Variants in ATRN observed in about 807,000 individuals in gnomAD.
ATRN encodes attractin, also known as attractin-2.
Under a neutral mutation model 178.7 loss-of-function variants are expected in ATRN, and 54 were observed. The observed-to-expected ratio is 0.30, with a 90% confidence interval of 0.24 to 0.38. ATRN has a LOEUF of 0.38. Ranked by LOEUF, ATRN falls within the 10% of genes least tolerant of loss-of-function variation. The pLI is 1.00. For synonymous variants in ATRN, 636 were observed against 663.0 expected, an observed-to-expected ratio of 0.96 and a Z score of 0.63; for missense variants, 1,443 against 1,815.1, an observed-to-expected ratio of 0.79 and a Z score of 3.73.
intron 1 of ATRN, among the ~76,000 whole-genome samples, chr20:3,508,745 T>C (rs1276684065): frequency 6.6e-6 from 1 of 152,210 alleles, no homozygotes; most frequent in Non-Finnish European, 1.5e-5. Flanking sequence ...AACTGAATGT[T>C]AATTGTATGC....
chr20:3,534,164 G>T (rs1433698976), intron 1 of ATRN, among the ~76,000 whole-genome samples: 3 of 152,206 alleles, frequency 2.0e-5, no homozygotes, highest in Non-Finnish European at 4.4e-5. Flanking sequence ...ATGGATTATG[G>T]AGTCTTAACT....
chr20:3,502,835 CAA>C (rs1324072762), intron 1 of ATRN, among the ~76,000 whole-genome samples: 3 of 152,200 alleles, frequency 2.0e-5, no homozygotes, highest in African/African-American at 7.2e-5. Flanking sequence ...ATAGCCACAG[CAA>C]ATGGCCTGGT....
chr20:3,492,875 G>GCGCGCGCA (rs1555807936), intron 1 of ATRN, among the ~76,000 whole-genome samples: 1 of 106,792 alleles, frequency 9.4e-6, no homozygotes, highest in Non-Finnish European at 2.1e-5. Context: ...GCGTGCGCAC[G>GCGCGCGCA]CACACACACA....
chr20:3,581,942 A>G (rs2086287676), intron 15 of ATRN, among the ~76,000 whole-genome samples, 193 bp from the exon 16 acceptor site: 5 of 152,146 alleles, frequency 3.3e-5, no homozygotes, highest in Admixed American at 3.3e-4. Flanking sequence ...TTTGGTCAAG[A>G]TGTTGGTTAT....
At chr20:3,481,243 A>G (rs956481117) in intron 1 of ATRN, among the ~76,000 whole-genome samples, 2 of 151,616 alleles carry the variant, frequency 1.3e-5, no homozygotes, top group Non-Finnish European at 2.9e-5. Context: ...TCTTTATGTC[A>G]TATCTCTTTA....
chr20:3,562,316 T>A lies in ATRN; in HGVS notation c.1488T>A (p.Leu496=). 6.2e-7 allele frequency: 1 copy of A among 1,613,996 alleles called. No homozygotes were observed. Among genetic ancestry groups the A allele is most frequent in the Non-Finnish European group, 8.5e-7 (1 of 1,179,944 alleles). ...TWSILHTQGA[L]VQGGYGHSSV... ...GTATATTACACACCCAGGGTGCCCT[T>A]GTGCAAGGGGGTTACGGCCATAGCA... is the stretch of plus-strand genomic sequence containing the variant. Residue 496 remains leucine, a synonymous_variant, in exon 9 of 29, where the codon CTT becomes CTA. Coordinates refer to ENST00000262919, the MANE Select transcript of ATRN (RefSeq NM_139321.3).
chr20:3,636,030 A>G (rs555761910), intron 26 of ATRN, among the ~76,000 whole-genome samples: 6 of 152,264 alleles, frequency 3.9e-5, no homozygotes, highest in African/African-American at 1.2e-4. Flanking sequence ...TTTGAGTGCT[A>G]CTCTCTCCAA....
At chr20:3,621,321 G>A (rs1240444731) in intron 24 of ATRN, among the ~76,000 whole-genome samples, 3 of 152,046 alleles carry the variant, frequency 2.0e-5, no homozygotes, top group Non-Finnish European at 4.4e-5. Context: ...TAGAGTGAGC[G>A]GAAGCACTTT....
chr20:3,485,918 C>G (rs1178814564), intron 1 of ATRN, among the ~76,000 whole-genome samples: 1 of 152,036 alleles, frequency 6.6e-6, no homozygotes, highest in African/African-American at 2.4e-5. Flanking sequence ...CCCCGCCCAG[C>G]CTGAATTTTT....
intron 1 of ATRN, among the ~76,000 whole-genome samples, chr20:3,519,742 A>T (rs575141959): frequency 6.6e-4 from 99 of 149,602 alleles, no homozygotes; most frequent in Admixed American, 1.5e-3. Flanking sequence ...TGAAATGAAA[A>T]GAAAAGAAAA....
chr20:3,539,177 G>A (rs779819910), intron 2 of ATRN, among the ~76,000 whole-genome samples: 7 of 152,196 alleles, frequency 4.6e-5, no homozygotes, highest in Non-Finnish European at 7.3e-5. Flanking sequence ...ATAGAATTAG[G>A]CATCAGCAGG....
intron 11 of ATRN, among the ~76,000 whole-genome samples, chr20:3,568,132 T>C (rs2086064334): frequency 6.6e-6 from 1 of 150,586 alleles, no homozygotes; most frequent in Non-Finnish European, 1.5e-5. Context: ...CTACTAAAAG[T>C]ACAAAAAAAT....
At chr20:3,474,452 T>C (rs2084483970) in intron 1 of ATRN, among the ~76,000 whole-genome samples, 1 of 152,178 alleles carries the variant, frequency 6.6e-6, no homozygotes, top group Non-Finnish European at 1.5e-5. Context: ...CTAACACCTG[T>C]AATCCCAGCA....
intron 12 of ATRN, 143 bp from the exon 13 acceptor site, chr20:3,575,684 C>T (rs1263684453): frequency 2.3e-6 from 2 of 887,444 alleles, no homozygotes; most frequent in East Asian, 2.6e-5. Context: ...TTATTTTAAC[C>T]AGAACATACC....
rs2086597614 is a variant in ATRN, at chr20:3,600,804, T to C, written c.3565-142T>C. 6 of 741,096 alleles carry C rather than the reference T, an allele frequency of 8.1e-6. No homozygotes were observed. The South Asian group carries it at 1.3e-4, about 16-fold the overall frequency. The allele number at this position is 741,096 out of a possible 1,614,324, so 45.9% of individuals were successfully genotyped here. On this transcript the variant is annotated intron_variant, in intron 22 of 28. Transcript: ENST00000262919. ...ATTAAGGAAAATTGGTTAGAAATTTTGCTAACTCTTCTGTGAGTTTCTCTA... is the reference window on the plus strand; with the variant it reads ...ATTAAGGAAAATTGGTTAGAAATTTCGCTAACTCTTCTGTGAGTTTCTCTA...
rs2084772732 is a variant in ATRN, at chr20:3,490,429, G to A, written c.410+18912G>A. 3 of 923,206 alleles carry A rather than the reference G, an allele frequency of 3.2e-6. No homozygotes were observed. In the South Asian group the frequency reaches 3.9e-5, roughly 12 times the overall value. 57.2% of individuals were successfully genotyped at this position (923,206 alleles called of 1,614,324 possible). A position where few individuals can be genotyped will look rare whatever the true frequency, so the allele number is the denominator to read the frequency against. ...ATCTTGGAGAGGCTTTACTCTATCT[G>A]TGTAATCCTGAAGTTACTCAAGCAG... On this transcript the variant is annotated intron_variant, in intron 1 of 28. Coordinates refer to ENST00000262919, the MANE Select transcript of ATRN (RefSeq NM_139321.3).
intron 1 of ATRN, among the ~76,000 whole-genome samples, chr20:3,472,902 GTT>G (rs973897579): frequency 3.3e-5 from 5 of 152,250 alleles, no homozygotes; most frequent in Non-Finnish European, 7.3e-5. Flanking sequence ...GTGGAAGAGA[GTT>G]GTGAGAGAGG....
At chr20:3,544,989 TA>T (rs2085678286) in intron 3 of ATRN, among the ~76,000 whole-genome samples, 1 of 152,140 alleles carries the variant, frequency 6.6e-6, no homozygotes, top group Non-Finnish European at 1.5e-5. Flanking sequence ...TAACATCAAT[TA>T]GGCTAAGAAA....
At position 3,583,973 on chromosome 20, in the gene ATRN, C is replaced by G; in HGVS notation, c.2840C>G (p.Ser947Cys). 6.2e-7 allele frequency: 1 copy of G among 1,614,166 alleles called. No individual in the cohort carries two copies. Among genetic ancestry groups the G allele is most frequent in the Non-Finnish European group, 8.5e-7 (1 of 1,180,006 alleles). ...TGTGGAGATTGCACCAGCGGCAGCT[C>G]TGAGTGCATGTGGTGCAGCAACATG... ...TACGDCTSGSSECMWCSNMKQ... is the reference protein window; with the variant it reads ...TACGDCTSGSCECMWCSNMKQ... The change falls in exon 17 of 29, where the codon TCT (serine) becomes TGT (cysteine). Residue 947 changes from serine to cysteine, a missense_variant. Ser to Cys is a moderately radical substitution (Grantham distance 112). This residue lies in a region of ATRN where 212 missense variants were observed against 330.7 expected (regional missense o/e 0.64). Transcript: ENST00000262919.
Sources: gnomAD v4.1 joint callset for allele counts (sites outside exome capture counted in the v4.1 genomes callset) on GRCh38, gnomAD v4.1.1 for gene constraint, gnomAD v4.1.1 regional missense constraint, MANE v1.5 for transcripts, NCBI Gene and HGNC (gene_info 2026-07-23, HGNC 2026-07-21) for gene names.